The following PRKAR1B variants were observed in gnomAD, a reference collection of about 807,000 sequenced individuals.
PRKAR1B encodes the protein cAMP-dependent protein kinase type I-beta regulatory subunit.
PRKAR1B carries 22 observed loss-of-function variants against 46.5 expected under a neutral mutation model. The observed-to-expected ratio is 0.47, with a 90% CI of 0.34 to 0.68. PRKAR1B has a LOEUF of 0.68. Ranked by LOEUF, PRKAR1B falls within the 30% of genes least tolerant of loss-of-function variation. The pLI is 0.01. For synonymous variants in PRKAR1B, 259 were observed against 217.7 expected, an observed-to-expected ratio of 1.19 and a Z score of -1.67; for missense variants, 445 against 535.6, an observed-to-expected ratio of 0.83 and a Z score of 1.67.
At chr7:677,657 G>A (rs1778412017) in intron 3 of PRKAR1B, among the ~76,000 whole-genome samples, 1 of 152,034 alleles carries the variant, frequency 6.6e-6, no homozygotes, top group Non-Finnish European at 1.5e-5. Flanking sequence ...AAACATCTCA[G>A]CTCAAGCAAT....
chr7:555,777 A>T (rs1193554926), intron 9 of PRKAR1B, among the ~76,000 whole-genome samples: 2 of 152,184 alleles, frequency 1.3e-5, no homozygotes, highest in Non-Finnish European at 2.9e-5. Flanking sequence ...CAAGCAGATG[A>T]CATCCAGCCC....
At chr7:553,384 G>T (rs9801426) in intron 9 of PRKAR1B, among the ~76,000 whole-genome samples, 13 of 152,032 alleles carry the variant, frequency 8.6e-5, no homozygotes, top group Non-Finnish European at 1.8e-4. Context: ...CGCTCCGACC[G>T]GTCCCTAGTC....
At chr7:621,621 T>C (rs1783111610) in intron 4 of PRKAR1B, among the ~76,000 whole-genome samples, 2 of 152,218 alleles carry the variant, frequency 1.3e-5, no homozygotes, top group African/African-American at 4.8e-5. Flanking sequence ...GGGCTCACTA[T>C]TGAGCAGTGG....
At chr7:623,523 A>C (rs771765140) in intron 4 of PRKAR1B, among the ~76,000 whole-genome samples, 1 of 152,116 alleles carries the variant, frequency 6.6e-6, no homozygotes, top group Non-Finnish European at 1.5e-5. Context: ...CAGGCTCCTC[A>C]CACCCACCAC....
At chr7:719,737 T>A (rs66892628) in intron 1 of PRKAR1B, among the ~76,000 whole-genome samples, 51,715 of 151,706 alleles carry the variant, frequency 0.34, 8,861 homozygotes, top group South Asian at 0.48. Flanking sequence ...CCAGGTACTA[T>A]ACTGTACCAG....
intron 4 of PRKAR1B, among the ~76,000 whole-genome samples, chr7:645,168 A>G (rs1784562341): frequency 6.6e-6 from 1 of 152,176 alleles, no homozygotes; most frequent in Admixed American, 6.5e-5. Flanking sequence ...CTCGGCAGGC[A>G]GCAGGCACAG....
At chr7:614,970 G>A (rs111624687) in intron 4 of PRKAR1B, among the ~76,000 whole-genome samples, 25,131 of 152,028 alleles carry the variant, frequency 0.17, 3,018 homozygotes, top group African/African-American at 0.34. Flanking sequence ...CCAGCTACTC[G>A]GGAGGCTGAG....
intron 4 of PRKAR1B, among the ~76,000 whole-genome samples, chr7:640,600 TA>T (rs1360599717): frequency 5.3e-5 from 8 of 151,922 alleles, no homozygotes; most frequent in Admixed American, 1.3e-4. Context: ...CCATCTCTAC[TA>T]AAAATACAAA....
chr7:711,439 G>C lies in PRKAR1B; in HGVS notation c.67C>G (p.Gln23Glu). The change falls in exon 2 of 11, where the codon CAG (glutamine) becomes GAG (glutamate). Residue 23 changes from glutamine to glutamate, a missense_variant. Gln to Glu is a conservative substitution (Grantham distance 29). Around this residue, in one of 5 missense-constraint regions of PRKAR1B, gnomAD observed 155 missense variants for 127.5 expected, o/e 1.22. Transcript: ENST00000537384. ...ESLKGCELYV[Q>E]LHGIQQVLKD... ...AGGACCTGCTGGATCCCGTGCAGCT[G>C]CACGTACAGCTCACAGCCCTTCAGG... 3 of 1,614,234 alleles carry C rather than the reference G, an allele frequency of 1.9e-6. No individual in the cohort carries two copies. The highest frequency in any genetic ancestry group is 2.5e-6 in the Non-Finnish European group (3 of 1,180,026).
chr7:608,153 C>CA (rs1254516510), intron 4 of PRKAR1B: 1 of 152,574 alleles, frequency 6.6e-6, no homozygotes, highest in Non-Finnish European at 1.5e-5. Flanking sequence ...GCACCTACCC[C>CA]AGAACACGGT....
At chr7:565,036 G>C (rs1196383768) in intron 9 of PRKAR1B, 1 of 152,212 alleles carries the variant, frequency 6.6e-6, no homozygotes, top group Non-Finnish European at 1.5e-5. Context: ...GGGGTGATTG[G>C]AACTTGCACA....
intron 2 of PRKAR1B, among the ~76,000 whole-genome samples, chr7:700,220 C>T (rs1779986685): frequency 6.6e-6 from 1 of 152,178 alleles, no homozygotes; most frequent in Admixed American, 6.5e-5. Flanking sequence ...AAGTCCCAGA[C>T]CAGCCCCCAA....
chr7:652,216 A>G (rs1220887415), intron 4 of PRKAR1B, among the ~76,000 whole-genome samples: 1 of 141,736 alleles, frequency 7.1e-6, no homozygotes, highest in African/African-American at 2.8e-5. Flanking sequence ...GAACCTGGGG[A>G]AACCCCTCTC....
rs916376486 is a variant in PRKAR1B, at chr7:675,456, G to C, written c.440+1773C>G. On this transcript the variant is annotated intron_variant, in intron 4 of 10. Coordinates refer to ENST00000537384, the MANE Select transcript of PRKAR1B (RefSeq NM_001164760.2). The stretch of plus-strand genomic sequence containing the variant: ...ATTTTATACATATGGAGGTCATTTA[G>C]ATTTTATATAGGACTAGTATCAAAA... 3.3e-5 allele frequency among the ~76,000 whole-genome samples: 5 copies of C among 152,206 alleles called. No homozygotes were observed. In the East Asian group the frequency reaches 9.6e-4, roughly 29 times the overall value.
At chr7:657,363 G>A (rs540631178) in intron 4 of PRKAR1B, among the ~76,000 whole-genome samples, 1 of 152,198 alleles carries the variant, frequency 6.6e-6, no homozygotes, top group Admixed American at 6.5e-5. Context: ...GTGAATGAAG[G>A]AATTGATGCA....
intron 4 of PRKAR1B, among the ~76,000 whole-genome samples, chr7:657,270 T>C (rs201999585): frequency 0.014 from 1,183 of 87,142 alleles, 4 homozygotes; most frequent in East Asian, 0.027. Context: ...GACGGACGGA[T>C]GGATGGATGG....
At chr7:712,499 C>G (rs1473662021) in intron 1 of PRKAR1B, 1 of 147,486 alleles carries the variant, frequency 6.8e-6, no homozygotes, top group Non-Finnish European at 1.5e-5. Flanking sequence ...AGCGGGTCCC[C>G]GCACTGCAGC....
chr7:652,110 G>A (rs571882952), intron 4 of PRKAR1B, among the ~76,000 whole-genome samples: 15 of 134,858 alleles, frequency 1.1e-4, no homozygotes, highest in African/African-American at 4.1e-4. Context: ...CTAGGAACCT[G>A]GGGAAACCCC....
intron 1 of PRKAR1B, among the ~76,000 whole-genome samples, chr7:715,860 C>T (rs1428152026): frequency 9.9e-5 from 15 of 151,746 alleles, no homozygotes; most frequent in Non-Finnish European, 1.6e-4. Flanking sequence ...GGACTACAGG[C>T]GCCCGCCACC....
Sources: allele counts gnomAD v4.1 joint callset (sites outside exome capture counted in the v4.1 genomes callset), GRCh38; gene constraint gnomAD v4.1.1; regional missense constraint gnomAD v4.1.1; transcripts MANE v1.5; gene names NCBI Gene and HGNC (gene_info 2026-07-23, HGNC 2026-07-21).